The following LIFR variants were observed in gnomAD, a reference collection of about 807,000 sequenced individuals.
LIFR encodes the protein LIF receptor subunit alpha.
LIFR carries 84 observed loss-of-function variants against 122.2 expected under a neutral mutation model. The observed-to-expected ratio is 0.69, with a 90% CI of 0.58 to 0.82. LIFR has a LOEUF of 0.82. Ranked by LOEUF, LIFR falls within the 40% of genes least tolerant of loss-of-function variation. LIFR has a pLI of 0.00. For synonymous variants in LIFR, 422 were observed against 434.7 expected, an observed-to-expected ratio of 0.97 and a Z score of 0.36; for missense variants, 1,294 against 1,311.6, an observed-to-expected ratio of 0.99 and a Z score of 0.21.
chr5:38,542,149 C>A (rs144745004), intron 1 of LIFR, among the ~76,000 whole-genome samples: 1 of 152,150 alleles, frequency 6.6e-6, no homozygotes, highest in Non-Finnish European at 1.5e-5. Flanking sequence ...TAAATTCTTG[C>A]TCAATGTAAA....
At chr5:38,560,983 G>C (rs1466377711), upstream of LIFR, among the ~76,000 whole-genome samples, 1 of 152,126 alleles carries the variant, frequency 6.6e-6, no homozygotes, top group Non-Finnish European at 1.5e-5. Flanking sequence ...TTTTAAAAAA[G>C]AAAAGTTGAA....
intron 16 of LIFR, among the ~76,000 whole-genome samples, chr5:38,488,031 T>G (rs964315800): frequency 6.6e-6 from 1 of 152,200 alleles, no homozygotes; most frequent in Non-Finnish European, 1.5e-5. Context: ...TTTATTAGAG[T>G]TTGGGGGTGT....
At chr5:38,510,821 G>T (rs1222767730) in intron 6 of LIFR, 103 bp from the exon 7 acceptor site, 9 of 923,746 alleles carry the variant, frequency 9.7e-6, no homozygotes, top group Non-Finnish European at 1.5e-5. Context: ...TTTTAAAATA[G>T]CCCAGTATAT....
In LIFR at chr5:38,475,931, TAAGA is replaced by T. The variant is rs955614984; in HGVS notation, c.*5660_*5663del. 5.1e-6 allele frequency: 1 copy of T among 194,510 alleles called. No homozygotes were observed. Among genetic ancestry groups the T allele is most frequent in the African/African-American group, 2.3e-5 (1 of 43,200 alleles). 12.0% of individuals were successfully genotyped at this position (194,510 alleles called of 1,614,324 possible). A position where few individuals can be genotyped will look rare whatever the true frequency, so the allele number is the denominator to read the frequency against. On this transcript the variant is annotated 3_prime_UTR_variant, in exon 20 of 20. Transcript: ENST00000453190. ...AAGCAATTCTGAATTTAAATGTATT[TAAGA>T]AAAAGCCGTGCTCTTTTTTGAGAAA...
At chr5:38,547,482 TTC>T (rs1747959060) in intron 1 of LIFR, among the ~76,000 whole-genome samples, 1 of 152,010 alleles carries the variant, frequency 6.6e-6, no homozygotes. Flanking sequence ...TCAAGAAATT[TTC>T]TTTTTTTTAT....
chr5:38,501,809 G>A (rs1328436387), intron 11 of LIFR, among the ~76,000 whole-genome samples: 1 of 151,174 alleles, frequency 6.6e-6, no homozygotes, highest in Non-Finnish European at 1.5e-5. Flanking sequence ...GTTATTCGAA[G>A]ATAGAATATC....
At chr5:38,497,963 T>A (rs889765263) in intron 12 of LIFR, among the ~76,000 whole-genome samples, 1 of 152,204 alleles carries the variant, frequency 6.6e-6, no homozygotes, top group African/African-American at 2.4e-5. Context: ...TTCATAGAAA[T>A]TTTTAATATG....
Position 38,481,342 on chromosome 5 carries a change from T to A in LIFR, c.*253A>T, listed in dbSNP as rs1743973472. ...AAATGCTTCTTGAAGGTAGAGTACA[T>A]GAGAATTCTTTGGCTTGATCACAAA... On this transcript the variant is annotated 3_prime_UTR_variant, in exon 20 of 20. Transcript: ENST00000453190. 1 of 551,848 alleles carries A rather than the reference T, an allele frequency of 1.8e-6. No individual in the cohort carries two copies. Among genetic ancestry groups the A allele is most frequent in the Admixed American group, 3.1e-5 (1 of 32,182 alleles). The allele number at this position is 551,848 out of a possible 1,614,324, so 34.2% of individuals were successfully genotyped here. A position where few individuals can be genotyped will look rare whatever the true frequency, so the allele number is the denominator to read the frequency against.
At chr5:38,581,187 C>T (rs1749569275) in intron 1 of LIFR, among the ~76,000 whole-genome samples, 1 of 152,038 alleles carries the variant, frequency 6.6e-6, no homozygotes, top group African/African-American at 2.4e-5. Flanking sequence ...CTGGTACTAG[C>T]ATCATTCCCC....
At position 38,493,628 on chromosome 5, in the gene LIFR, G is replaced by T. The variant is rs750646931; in HGVS notation, c.2043C>A (p.Ser681Arg). 1.2e-6 allele frequency: 2 copies of T among 1,613,882 alleles called. No homozygotes were observed. The highest frequency in any genetic ancestry group is 1.7e-6 in the Non-Finnish European group (2 of 1,179,912). The change falls in exon 14 of 20, where the codon AGC (serine) becomes AGA (arginine). Residue 681 changes from serine to arginine, a missense_variant. Transcript: ENST00000453190. ...TACCAGATTCTATTACAGTTTCAGTGCTGTTTGAGGGAACTTTTCTCCAGT... is the reference window on the plus strand; with the variant it reads ...TACCAGATTCTATTACAGTTTCAGTTCTGTTTGAGGGAACTTTTCTCCAGT... ...LMDWRKVPSN[S>R]TETVIESDEF... is the part of the protein sequence containing the mutation.
upstream of LIFR, among the ~76,000 whole-genome samples, chr5:38,597,692 G>C (rs1164924005): frequency 6.6e-6 from 1 of 152,164 alleles, no homozygotes; most frequent in African/African-American, 2.4e-5. Flanking sequence ...AAATGCAGAG[G>C]TTGAGAACCC....
chr5:38,506,972 C>G lies in LIFR; in HGVS notation c.992-340G>C, dbSNP rs147499309. 4.8e-4 allele frequency among the ~76,000 whole-genome samples: 73 copies of G among 152,170 alleles called. 1 individual carries two copies. In the East Asian group the frequency reaches 0.013, roughly 27 times the overall value. On this transcript the variant is annotated intron_variant, in intron 7 of 19. Coordinates refer to ENST00000453190, the MANE Select transcript of LIFR (RefSeq NM_001127671.2). The stretch of plus-strand genomic sequence containing the variant: ...AAGAAACCTGAGTCTAATATGTTGT[C>G]AGAGAAATCTACAGGTTAAAAGTAT...
In LIFR at chr5:38,510,574, C is replaced by T; in HGVS notation, c.881G>A (p.Gly294Glu). 1.2e-6 allele frequency: 2 copies of T among 1,613,986 alleles called. No homozygotes were observed. Among genetic ancestry groups the T allele is most frequent in the Non-Finnish European group, 8.5e-7 (1 of 1,179,954 alleles). Residue 294 changes from glycine to glutamate, a missense_variant, in exon 7 of 20, where the codon GGG becomes GAG. Physicochemically the swap from Gly to Glu is moderately conservative, Grantham distance 98 (BLOSUM62 -2). Transcript: ENST00000453190. The stretch of plus-strand genomic sequence containing the variant: ...ACGAATCTTGATTGCAACATTTTCC[C>T]CATCAAGATGGATCAAGGGGCAGTT... Reference protein sequence around the residue: ...HTNCPLIHLDGENVAIKIRNI... With the variant: ...HTNCPLIHLDEENVAIKIRNI...
chr5:38,538,299 G>A (rs1437268441), intron 1 of LIFR, among the ~76,000 whole-genome samples: 1 of 152,138 alleles, frequency 6.6e-6, no homozygotes, highest in Non-Finnish European at 1.5e-5. Context: ...TGTGCTTGTG[G>A]CTATAACATC....
upstream of LIFR, among the ~76,000 whole-genome samples, chr5:38,599,846 A>C (rs552557342): frequency 2.6e-5 from 4 of 152,312 alleles, no homozygotes; most frequent in South Asian, 8.3e-4. Flanking sequence ...GAATGGCCTC[A>C]TCCTCTCAGT....
chr5:38,594,963 C>T, intron 1 of LIFR: 1 of 194,882 alleles, frequency 5.1e-6, no homozygotes, highest in Non-Finnish European at 1.1e-5. Flanking sequence ...TATACAGTGA[C>T]CATTTCTACT....
chr5:38,528,658 G>T, intron 3 of LIFR, 68 bp downstream of exon 3: 1 of 913,442 alleles, frequency 1.1e-6, no homozygotes, highest in South Asian at 1.4e-5. Context: ...CAAGCAATAA[G>T]GTAAGAACTG....
intron 16 of LIFR, among the ~76,000 whole-genome samples, chr5:38,486,201 T>C (rs1005980491): frequency 7.2e-5 from 11 of 152,228 alleles, no homozygotes. Flanking sequence ...AGTGGAGTTT[T>C]TCTACTGATG....
At chr5:38,491,935 A>T (rs1239393803) in intron 14 of LIFR, among the ~76,000 whole-genome samples, 1 of 152,168 alleles carries the variant, frequency 6.6e-6, no homozygotes, top group Admixed American at 6.5e-5. Context: ...TTATTTATTA[A>T]CAATATTTTA....
Sources: gnomAD v4.1 joint callset for allele counts (sites outside exome capture counted in the v4.1 genomes callset) on GRCh38, gnomAD v4.1.1 for gene constraint, MANE v1.5 for transcripts, NCBI Gene and HGNC (gene_info 2026-07-23, HGNC 2026-07-21) for gene names.